GPR158: variants seen among roughly 807,000 people sequenced by gnomAD.
GPR158 encodes G protein-coupled receptor 158.
Under a neutral mutation model 78.2 loss-of-function variants are expected in GPR158, and 30 were observed. The observed-to-expected ratio is 0.38, with a 90% CI of 0.29 to 0.52. The LOEUF (loss-of-function observed/expected upper bound fraction) is 0.52. Among genes scored for constraint, GPR158 ranks in the 20% least tolerant of loss-of-function variants. The pLI is 0.83. For synonymous variants in GPR158, 581 were observed against 591.1 expected (o/e 0.98, Z 0.25); for missense variants, 1,463 against 1,523.5 (o/e 0.96, Z 0.66).
intron 4 of GPR158, among the ~76,000 whole-genome samples, chr10:25,450,445 T>C (rs572589312): frequency 2.6e-4 from 40 of 152,138 alleles, no homozygotes; most frequent in African/African-American, 9.4e-4. Flanking sequence ...GTGAGTTTTT[T>C]TCTTTTACAT....
At chr10:25,200,506 G>T (rs1312281984) in intron 1 of GPR158, among the ~76,000 whole-genome samples, 2 of 152,122 alleles carry the variant, frequency 1.3e-5, no homozygotes, top group African/African-American at 4.8e-5. Context: ...CTGTGCAGAA[G>T]CTCTTTAATT....
At chr10:25,397,911 GGAGA>G (rs1316367961) in intron 3 of GPR158, among the ~76,000 whole-genome samples, 2 of 152,168 alleles carry the variant, frequency 1.3e-5, no homozygotes, top group African/African-American at 4.8e-5. Context: ...CAGACTGGAA[GGAGA>G]GAGAGAATCT....
At chr10:25,231,436 C>G (rs1414266898) in intron 2 of GPR158, among the ~76,000 whole-genome samples, 1 of 152,156 alleles carries the variant, frequency 6.6e-6, no homozygotes, top group African/African-American at 2.4e-5. Flanking sequence ...AATTTTCCAG[C>G]TAGAATGGGG....
chr10:25,484,983 A>G (rs1835713400), intron 5 of GPR158, among the ~76,000 whole-genome samples: 1 of 152,082 alleles, frequency 6.6e-6, no homozygotes, highest in South Asian at 2.1e-4. Flanking sequence ...GAATTGTCAG[A>G]CATCTCTATT....
intron 2 of GPR158, among the ~76,000 whole-genome samples, chr10:25,287,356 T>C (rs1854366506): frequency 6.6e-6 from 1 of 151,990 alleles, no homozygotes; most frequent in Admixed American, 6.6e-5. Context: ...AAAAGAAAGG[T>C]GGGTTTAGGT....
intron 6 of GPR158, among the ~76,000 whole-genome samples, chr10:25,559,546 AAAT>A (rs1413599239): frequency 2.0e-5 from 3 of 152,214 alleles, no homozygotes; most frequent in African/African-American, 7.2e-5. Flanking sequence ...TATAATAAAG[AAAT>A]AATGATTTAA....
rs1366657533 is a variant in GPR158, at chr10:25,599,506, T to C, written c.*232T>C. On this transcript the variant is annotated 3_prime_UTR_variant, in exon 11 of 11. Coordinates refer to ENST00000376351, the MANE Select transcript of GPR158 (RefSeq NM_020752.3). ...CCTTCCCTTGGTAACACTAGGAAAA[T>C]CTTTCCATTTCAGCATGTTTAAGGA... The C allele has an allele frequency of 2.0e-6, 1 of 505,858 alleles. No homozygotes were observed. Among genetic ancestry groups the C allele is most frequent in the African/African-American group, 1.9e-5 (1 of 52,020 alleles). The allele number at this position is 505,858 out of a possible 1,614,324, so 31.3% of individuals were successfully genotyped here. A position where few individuals can be genotyped will look rare whatever the true frequency, so the allele number is the denominator to read the frequency against.
At chr10:25,189,716 C>T (rs1852743408) in intron 1 of GPR158, among the ~76,000 whole-genome samples, 2 of 150,468 alleles carry the variant, frequency 1.3e-5, no homozygotes, top group African/African-American at 4.9e-5. Flanking sequence ...AGCACACCAA[C>T]ATGGCACATG....
intron 2 of GPR158, among the ~76,000 whole-genome samples, chr10:25,341,557 A>G (rs1344200862): frequency 6.6e-6 from 1 of 151,998 alleles, no homozygotes; most frequent in Non-Finnish European, 1.5e-5. Flanking sequence ...GAGAAAAAGA[A>G]CAAATATATA....
At chr10:25,193,698 T>C (rs1191356369) in intron 1 of GPR158, among the ~76,000 whole-genome samples, 3 of 152,206 alleles carry the variant, frequency 2.0e-5, no homozygotes, top group Non-Finnish European at 4.4e-5. Context: ...AGCGTTTTAG[T>C]TTTACTTTGT....
At chr10:25,185,136 GC>G (rs1350013325) in intron 1 of GPR158, among the ~76,000 whole-genome samples, 1 of 152,192 alleles carries the variant, frequency 6.6e-6, no homozygotes, top group Non-Finnish European at 1.5e-5. Flanking sequence ...CTGGTTGAAA[GC>G]CACTGGTGTA....
At chr10:25,228,145 C>T (rs1853399568) in intron 2 of GPR158, among the ~76,000 whole-genome samples, 2 of 152,124 alleles carry the variant, frequency 1.3e-5, no homozygotes, top group Admixed American at 6.6e-5. Context: ...CTTAGTGGCA[C>T]ATGCCTGTAG....
At chr10:25,246,519 C>T (rs1231834694) in intron 2 of GPR158, among the ~76,000 whole-genome samples, 3 of 152,126 alleles carry the variant, frequency 2.0e-5, no homozygotes, top group Non-Finnish European at 2.9e-5. Flanking sequence ...TTAATATTTA[C>T]TGTTAGTTCA....
intron 1 of GPR158, among the ~76,000 whole-genome samples, chr10:25,202,647 T>C (rs975262369): frequency 6.6e-6 from 1 of 152,198 alleles, no homozygotes; most frequent in African/African-American, 2.4e-5. Flanking sequence ...CTTAATCCAG[T>C]CTATCATTGT....
chr10:25,355,830 A>G (rs1855543029), intron 2 of GPR158, among the ~76,000 whole-genome samples: 1 of 152,016 alleles, frequency 6.6e-6, no homozygotes, highest in Non-Finnish European at 1.5e-5. Context: ...AAGGCTGGCT[A>G]TGGGTTTGTG....
chr10:25,582,567 T>A (rs990270321), intron 7 of GPR158, among the ~76,000 whole-genome samples: 6 of 152,132 alleles, frequency 3.9e-5, no homozygotes, highest in Non-Finnish European at 8.8e-5. Context: ...AGCCCCCAGC[T>A]CCTAGGGAGT....
rs534097011 is a variant in GPR158 at position 25,599,482 on chromosome 10, C to A, written c.*208C>A. 2.4e-4 allele frequency: 134 copies of A among 550,940 alleles called. 3 individuals carry two copies. In the South Asian group the frequency reaches 3.1e-3, roughly 13 times the overall value. 34.1% of individuals were successfully genotyped at this position (550,940 alleles called of 1,614,324 possible). On this transcript the variant is annotated 3_prime_UTR_variant, in exon 11 of 11. Transcript: ENST00000376351. ...AAGTCAGACTTTGGTCAAGAAAGTC[C>A]TTCCCTTGGTAACACTAGGAAAATC...
intron 2 of GPR158, among the ~76,000 whole-genome samples, chr10:25,299,979 G>A (rs72794261): frequency 0.19 from 28,321 of 151,708 alleles, 4,707 homozygotes; most frequent in African/African-American, 0.45. Context: ...GGTGCATGCC[G>A]CCACGCCCAG....
intron 4 of GPR158, among the ~76,000 whole-genome samples, chr10:25,426,653 G>C (rs746671449): frequency 2.0e-5 from 3 of 152,028 alleles, no homozygotes; most frequent in Non-Finnish European, 4.4e-5. Flanking sequence ...ACATGGGTGA[G>C]GTTCATGGTG....
Sources: gnomAD v4.1 joint callset for allele counts (sites outside exome capture counted in the v4.1 genomes callset) on GRCh38, gnomAD v4.1.1 for gene constraint, MANE v1.5 for transcripts, NCBI Gene and HGNC (gene_info 2026-07-23, HGNC 2026-07-21) for gene names.